The following CTNNA3 variants were observed in gnomAD, a reference collection of about 807,000 sequenced individuals.
The protein encoded by CTNNA3 is catenin alpha 3, also known as catenin alpha-3.
Under a neutral mutation model 95.7 loss-of-function variants are expected in CTNNA3, and 76 were observed. That is an observed-to-expected ratio of 0.79 (90% CI 0.66 to 0.96). The LOEUF is 0.96. Among genes scored for constraint, CTNNA3 ranks in the 40% least tolerant of loss-of-function variants. CTNNA3 has a pLI of 0.00. For missense variants in CTNNA3, 1,191 were observed against 1,089.8 expected, an observed-to-expected ratio of 1.09 and a Z score of -1.31; for synonymous variants, 431 against 374.4, an observed-to-expected ratio of 1.15 and a Z score of -1.74.
At chr10:66,777,818 C>CAT (rs1840374591) in intron 7 of CTNNA3, among the ~76,000 whole-genome samples, 1 of 151,244 alleles carries the variant, frequency 6.6e-6, no homozygotes, top group Admixed American at 6.6e-5. Context: ...CACACACACA[C>CAT]ACAGTATCAG....
intron 1 of CTNNA3, among the ~76,000 whole-genome samples, chr10:67,718,027 C>T (rs1841154777): frequency 6.6e-6 from 1 of 152,138 alleles, no homozygotes; most frequent in Non-Finnish European, 1.5e-5. Context: ...TTGAAGAGGT[C>T]CTCACACATC....
intron 13 of CTNNA3, among the ~76,000 whole-genome samples, chr10:66,133,090 G>GA (rs962470423): frequency 3.3e-5 from 5 of 151,152 alleles, no homozygotes; most frequent in Non-Finnish European, 5.9e-5. Context: ...AAATGTACTT[G>GA]AAAAAAAATA....
chr10:66,643,422 A>G (rs1487776216), intron 9 of CTNNA3, among the ~76,000 whole-genome samples: 1 of 152,132 alleles, frequency 6.6e-6, no homozygotes, highest in Non-Finnish European at 1.5e-5. Flanking sequence ...GTCAACATTT[A>G]TTTTAGAAAC....
At chr10:66,824,206 C>T (rs1173304269) in intron 7 of CTNNA3, among the ~76,000 whole-genome samples, 2 of 152,120 alleles carry the variant, frequency 1.3e-5, no homozygotes, top group African/African-American at 4.8e-5. Flanking sequence ...GAAAATGGCA[C>T]AGTGGCCTGT....
intron 9 of CTNNA3, among the ~76,000 whole-genome samples, chr10:66,701,380 A>T (rs897483787): frequency 1.3e-5 from 2 of 152,196 alleles, no homozygotes; most frequent in African/African-American, 4.8e-5. Context: ...TTTTTCAATT[A>T]CTAGCCAAAT....
intron 7 of CTNNA3, among the ~76,000 whole-genome samples, chr10:66,810,456 T>C (rs1009653436): frequency 1.6e-4 from 25 of 152,230 alleles, no homozygotes; most frequent in Non-Finnish European, 2.4e-4. Context: ...TGTCCCCACA[T>C]TCTGCTGATT....
At chr10:67,674,708 T>A (rs1296859338) in intron 1 of CTNNA3, among the ~76,000 whole-genome samples, 2 of 152,156 alleles carry the variant, frequency 1.3e-5, no homozygotes, top group Non-Finnish European at 1.5e-5. Context: ...TGCTAATCTC[T>A]TTTTAGTTGA....
intron 7 of CTNNA3, among the ~76,000 whole-genome samples, chr10:66,870,332 C>A (rs1004913900): frequency 6.6e-6 from 1 of 152,106 alleles, no homozygotes; most frequent in Non-Finnish European, 1.5e-5. Flanking sequence ...TGTTTTGCTA[C>A]GGCTATTAAT....
intron 2 of CTNNA3, among the ~76,000 whole-genome samples, chr10:67,630,321 C>A (rs1356199094): frequency 6.6e-6 from 1 of 152,204 alleles, no homozygotes; most frequent in Non-Finnish European, 1.5e-5. Context: ...AGAGGATTGA[C>A]ATATGTCATG....
At chr10:66,178,928 CTG>C (rs2085884849) in intron 13 of CTNNA3, among the ~76,000 whole-genome samples, 1 of 151,986 alleles carries the variant, frequency 6.6e-6, no homozygotes, top group South Asian at 2.1e-4. Context: ...GACACAGAAA[CTG>C]TGTCACTCAT....
intron 11 of CTNNA3, among the ~76,000 whole-genome samples, chr10:66,456,450 T>C (rs1201955976): frequency 6.6e-6 from 1 of 152,106 alleles, no homozygotes; most frequent in Non-Finnish European, 1.5e-5. Context: ...AACATTTATA[T>C]GCAGTTAAAA....
intron 7 of CTNNA3, among the ~76,000 whole-genome samples, chr10:66,830,981 T>C (rs1218752934): frequency 1.3e-5 from 2 of 152,176 alleles, no homozygotes; most frequent in African/African-American, 4.8e-5. Flanking sequence ...GAATTTTTGT[T>C]TTATATGTTT....
intron 11 of CTNNA3, among the ~76,000 whole-genome samples, chr10:66,466,373 C>CACACACACACACAA (rs1222364133): frequency 2.7e-5 from 4 of 150,734 alleles, no homozygotes; most frequent in African/African-American, 9.8e-5. Flanking sequence ...CACACACACA[C>CACACACACACACAA]AATCTATTGG....
chr10:66,942,548 GTCTCTCTCTC>G (rs67598003), intron 7 of CTNNA3, among the ~76,000 whole-genome samples: 38 of 148,124 alleles, frequency 2.6e-4, no homozygotes, highest in African/African-American at 6.7e-4. Flanking sequence ...TTGCCATAAT[GTCTCTCTCTC>G]TCTCTCTCTC....
At chr10:67,632,979 A>G (rs1839194080) in intron 2 of CTNNA3, among the ~76,000 whole-genome samples, 1 of 152,120 alleles carries the variant, frequency 6.6e-6, no homozygotes, top group Admixed American at 6.5e-5. Context: ...AGATGAGACC[A>G]AGTTCCTTGC....
In CTNNA3 at chr10:66,941,813, T is replaced by C. The variant is rs145651095; in HGVS notation, c.1048-166289A>G. ...CAAAAGCAAAAAATGACAAAAGAGG[T>C]TCTTATATCCAAGTTTTTATTATAT... On this transcript the variant is annotated intron_variant, in intron 7 of 17. Transcript: ENST00000433211. 6.6e-3 allele frequency among the ~76,000 whole-genome samples: 1,011 copies of C among 152,184 alleles called. 13 individuals are homozygous for C. The highest frequency in any genetic ancestry group is 0.023 in the African/African-American group (952 of 41,492).
At chr10:66,051,481 A>G (rs981964117) in intron 15 of CTNNA3, among the ~76,000 whole-genome samples, 6 of 152,170 alleles carry the variant, frequency 3.9e-5, no homozygotes, top group South Asian at 2.1e-4. Context: ...TTAAACTGAA[A>G]AGCCAAGGCT....
chr10:67,606,652 G>A (rs985117704), intron 3 of CTNNA3, among the ~76,000 whole-genome samples: 1 of 152,114 alleles, frequency 6.6e-6, no homozygotes, highest in Non-Finnish European at 1.5e-5. Flanking sequence ...TGGGGGGACC[G>A]AGCAACTAAA....
intron 10 of CTNNA3, among the ~76,000 whole-genome samples, chr10:66,607,794 T>A (rs2132276050): frequency 6.6e-6 from 1 of 152,224 alleles, no homozygotes; most frequent in Non-Finnish European, 1.5e-5. Flanking sequence ...TGAGAAAACA[T>A]ACTTCAAAAT....
Sources: gnomAD v4.1 joint callset for allele counts (sites outside exome capture counted in the v4.1 genomes callset) on GRCh38, gnomAD v4.1.1 for gene constraint, MANE v1.5 for transcripts, NCBI Gene and HGNC (gene_info 2026-07-23, HGNC 2026-07-21) for gene names.